The following DLX6 variants were observed in gnomAD, a reference collection of about 807,000 sequenced individuals.
DLX6 encodes the protein distal-less homeobox 6.
DLX6 carries 4 observed loss-of-function variants against 33.5 expected under a neutral mutation model. The observed-to-expected ratio is 0.12, with a 90% CI of 0.06 to 0.27. The LOEUF is 0.27. Among genes scored for constraint, DLX6 ranks in the 10% least tolerant of loss-of-function variants. DLX6 has a pLI of 1.00. For synonymous variants in DLX6, 184 were observed against 164.8 expected, an observed-to-expected ratio of 1.12 and a Z score of -0.89; for missense variants, 382 against 393.3, an observed-to-expected ratio of 0.97 and a Z score of 0.24.
At chr7:97,008,578 C>T (rs1789785291) in intron 2 of DLX6, among the ~76,000 whole-genome samples, 1 of 152,154 alleles carries the variant, frequency 6.6e-6, no homozygotes, top group Non-Finnish European at 1.5e-5. Context: ...CCATAGAAGG[C>T]ATTTCAGATT....
chr7:97,006,519 C>T, intron 1 of DLX6, 106 bp downstream of exon 1: 2 of 1,172,124 alleles, frequency 1.7e-6, no homozygotes, highest in Non-Finnish European at 2.1e-6. Context: ...CCCCCTCCCC[C>T]AGGCGGCCCC....
rs747232821 is a variant in DLX6, at chr7:97,006,076, ACAGCAG to A, written c.117_122del (p.Gln43_Gln44del). 285 of 1,484,068 alleles carry A rather than the reference ACAGCAG, an allele frequency of 1.9e-4. No individual in the cohort carries two copies. The highest frequency in any genetic ancestry group is 7.7e-4 in the East Asian group (31 of 40,324). The allele number at this position is 1,484,068 out of a possible 1,614,324, so 91.9% of individuals were successfully genotyped here. ...GGCAGCAGCAGCAGCAGCAGCAGCA[ACAGCAG>A]CAGCAGCAGCAGCAGCAACAGCAAC... On this transcript the variant is annotated inframe_deletion, in exon 1 of 3. Transcript: ENST00000518156.
Position 97,006,080 on chromosome 7 carries a change from C to A in DLX6, c.103C>A (p.Gln35Lys). The A allele has an allele frequency of 1.3e-6, 2 of 1,556,944 alleles. No individual in the cohort carries two copies. Among genetic ancestry groups the A allele is most frequent in the East Asian group, 2.4e-5 (1 of 41,374 alleles). The change falls in exon 1 of 3, where the codon CAG becomes AAG. Residue 35 changes from glutamine to lysine, a missense_variant. Around this residue, in one of 4 missense-constraint regions of DLX6, gnomAD observed 257 missense variants for 206.9 expected, o/e 1.24. Coordinates refer to ENST00000518156, the MANE Select transcript of DLX6 (RefSeq NM_005222.4). ...GQQQQQQQQQ[Q>K]QQQQQQQQQP... ...GCAGCAGCAGCAGCAGCAGCAACAG[C>A]AGCAGCAGCAGCAGCAGCAACAGCA...
In DLX6 at chr7:97,006,162, C is replaced by A; in HGVS notation, c.185C>A (p.Pro62Gln). The change falls in exon 1 of 3, where the codon CCG becomes CAG. Residue 62 changes from proline to glutamine, a missense_variant. Physicochemically the swap from Pro to Gln is moderately conservative, Grantham distance 76. This residue lies in a region of DLX6 where 257 missense variants were observed against 206.9 expected (regional missense o/e 1.24). Transcript: ENST00000518156. Reference protein sequence around the residue: ...PPQPHSQQSSPAMAGAHYPLH... With the variant: ...PPQPHSQQSSQAMAGAHYPLH... ...CAGCCGCACTCGCAGCAGAGCTCCC[C>A]GGCCATGGCAGGCGCGCACTACCCT... 6.5e-7 allele frequency: 1 copy of A among 1,543,076 alleles called. No homozygotes were observed. The highest frequency in any genetic ancestry group is 8.8e-7 in the Non-Finnish European group (1 of 1,141,186).
Position 97,005,679 on chromosome 7 carries a change from G to A in DLX6, c.-299G>A, listed in dbSNP as rs1789690526. 1.1e-5 allele frequency: 2 copies of A among 185,760 alleles called. No individual in the cohort carries two copies. The highest frequency in any genetic ancestry group is 2.4e-5 in the African/African-American group (1 of 42,458). The allele number at this position is 185,760 out of a possible 1,614,324, so 11.5% of individuals were successfully genotyped here. On this transcript the variant is annotated 5_prime_UTR_variant, in exon 1 of 3. Transcript: ENST00000518156. ...TCCAAGGGGGGAAAGCAGGCGGGGG[G>A]AGAGCAGATTCCCCCCTCCCCCTCT...
chr7:97,007,929 G>A, intron 2 of DLX6, 98 bp downstream of exon 2: 2 of 1,241,108 alleles, frequency 1.6e-6, no homozygotes, highest in South Asian at 1.6e-5. Flanking sequence ...AGTCAACCAA[G>A]GATGGAAGGA....
In DLX6 at chr7:97,006,384, C is replaced by A. The variant is rs1399051213; in HGVS notation, c.407C>A (p.Ala136Glu). ...CTCCAGTCCTACCACAACAGCAGCG[C>A]AGCCGCCCAGACGCGAGGGGACGAC... ...PYLQSYHNSSAAAQTRGDDTD... is the reference protein window; with the variant it reads ...PYLQSYHNSSEAAQTRGDDTD... The change falls in exon 1 of 3, where the codon GCA becomes GAA. Residue 136 changes from alanine to glutamate, a missense_variant. Around this residue, in one of 4 missense-constraint regions of DLX6, gnomAD observed 257 missense variants for 206.9 expected, o/e 1.24. Transcript: ENST00000518156. 2.1e-6 allele frequency: 3 copies of A among 1,437,442 alleles called. No homozygotes were observed. The highest frequency in any genetic ancestry group is 2.8e-6 in the Non-Finnish European group (3 of 1,084,184). The allele number at this position is 1,437,442 out of a possible 1,614,324, so 89.0% of individuals were successfully genotyped here. A position where few individuals can be genotyped will look rare whatever the true frequency, so the allele number is the denominator to read the frequency against.
In DLX6 at chr7:97,006,304, C is replaced by A; in HGVS notation, c.327C>A (p.Asn109Lys). Residue 109 changes from asparagine to lysine, a missense_variant, in exon 1 of 3, where the codon AAC (asparagine) becomes AAA (lysine). Asn to Lys is a moderately conservative substitution (Grantham distance 94). Coordinates refer to ENST00000518156, the MANE Select transcript of DLX6 (RefSeq NM_005222.4). ...CGTCGGGCGGAGGGAACTCCTACAA[C>A]CACCGCTCGCTCGCCGCCTACCCCT... ...PYASGGGNSY[N>K]HRSLAAYPYM... 1 of 1,525,466 alleles carries A rather than the reference C, an allele frequency of 6.6e-7. No individual in the cohort carries two copies. The highest frequency in any genetic ancestry group is 8.8e-7 in the Non-Finnish European group (1 of 1,133,812). 94.5% of individuals were successfully genotyped at this position (1,525,466 alleles called of 1,614,324 possible). A position where few individuals can be genotyped will look rare whatever the true frequency, so the allele number is the denominator to read the frequency against.
Position 97,005,949 on chromosome 7 carries a change from A to G in DLX6, c.-29A>G. On this transcript the variant is annotated 5_prime_UTR_variant, in exon 1 of 3. Transcript: ENST00000518156. ...GGGGAGGGTGGAGGAAACCCGGGAGAAGGCTTTCTCCAGCCCCCAAAGTTT... is the reference window on the plus strand; with the variant it reads ...GGGGAGGGTGGAGGAAACCCGGGAGGAGGCTTTCTCCAGCCCCCAAAGTTT... 1 of 1,515,980 alleles carries G rather than the reference A, an allele frequency of 6.6e-7. No individual in the cohort carries two copies. The highest frequency in any genetic ancestry group is 8.9e-7 in the Non-Finnish European group (1 of 1,129,308). 93.9% of individuals were successfully genotyped at this position (1,515,980 alleles called of 1,614,324 possible). A position where few individuals can be genotyped will look rare whatever the true frequency, so the allele number is the denominator to read the frequency against.
rs1189669101 is a variant in DLX6 at position 97,005,715 on chromosome 7, CCCT to C, written c.-256_-254del. On this transcript the variant is annotated 5_prime_UTR_variant, in exon 1 of 3. Coordinates refer to ENST00000518156, the MANE Select transcript of DLX6 (RefSeq NM_005222.4). ...CCCCCCTCCCCCTCTCCTCTCCCAT[CCCT>C]CCTCCTTCCTCCTCCCTTTGAGTTA... The C allele has an allele frequency of 9.5e-6, 2 of 211,026 alleles. No homozygotes were observed. Among genetic ancestry groups the C allele is most frequent in the Admixed American group, 5.8e-5 (1 of 17,204 alleles). 13.1% of individuals were successfully genotyped at this position (211,026 alleles called of 1,614,324 possible). A position where few individuals can be genotyped will look rare whatever the true frequency, so the allele number is the denominator to read the frequency against.
chr7:97,006,129 CGCCGCCGCA>C lies in DLX6; in HGVS notation c.158_166del (p.Pro53_Pro55del), dbSNP rs1353732883. On this transcript the variant is annotated inframe_deletion, in exon 1 of 3. Transcript: ENST00000518156. The stretch of plus-strand genomic sequence containing the variant: ...CAACAGCCGCCGCCGCCGCCGCCGC[CGCCGCCGCA>C]GCCGCACTCGCAGCAGAGCTCCCCG... 36 of 1,533,084 alleles carry C rather than the reference CGCCGCCGCA, an allele frequency of 2.3e-5. No individual in the cohort carries two copies. The East Asian group carries it at 3.9e-4, about 17-fold the overall frequency. 95.0% of individuals were successfully genotyped at this position (1,533,084 alleles called of 1,614,324 possible). A position where few individuals can be genotyped will look rare whatever the true frequency, so the allele number is the denominator to read the frequency against.
In DLX6 at chr7:97,006,064, G is replaced by A. The variant is rs1789710492; in HGVS notation, c.87G>A (p.Gln29=). ...SAFMEFGQQQ[Q]QQQQQQQQQQ... ...TCATGGAGTTCGGGCAGCAGCAGCA[G>A]CAGCAGCAGCAACAGCAGCAGCAGC... is the stretch of plus-strand genomic sequence containing the variant. Residue 29 remains glutamine, a synonymous_variant, in exon 1 of 3, where the codon CAG becomes CAA. Coordinates refer to ENST00000518156, the MANE Select transcript of DLX6 (RefSeq NM_005222.4). 1.3e-6 allele frequency: 2 copies of A among 1,578,072 alleles called. No individual in the cohort carries two copies. Among genetic ancestry groups the A allele is most frequent in the African/African-American group, 2.7e-5 (2 of 73,846 alleles).
At position 97,005,690 on chromosome 7, in the gene DLX6, C is replaced by G; in HGVS notation, c.-288C>G. The G allele has an allele frequency of 5.2e-6, 1 of 192,204 alleles. No homozygotes were observed. Among genetic ancestry groups the G allele is most frequent in the East Asian group, 1.1e-4 (1 of 9,288 alleles). 11.9% of individuals were successfully genotyped at this position (192,204 alleles called of 1,614,324 possible). A position where few individuals can be genotyped will look rare whatever the true frequency, so the allele number is the denominator to read the frequency against. On this transcript the variant is annotated 5_prime_UTR_variant, in exon 1 of 3. Transcript: ENST00000518156. Reference sequence around the variant, plus strand: ...AAAGCAGGCGGGGGGAGAGCAGATTCCCCCCTCCCCCTCTCCTCTCCCATC... The same window carrying G: ...AAAGCAGGCGGGGGGAGAGCAGATTGCCCCCTCCCCCTCTCCTCTCCCATC...
At chr7:97,008,534 T>C (rs1789784774) in intron 2 of DLX6, among the ~76,000 whole-genome samples, 1 of 152,204 alleles carries the variant, frequency 6.6e-6, no homozygotes, top group Non-Finnish European at 1.5e-5. Context: ...TTAAGTACAG[T>C]TACTGAAGTT....
At chr7:97,007,922 C>A in intron 2 of DLX6, 91 bp downstream of exon 2, 2 of 1,313,896 alleles carry the variant, frequency 1.5e-6, no homozygotes, top group South Asian at 1.6e-5. Flanking sequence ...TTGGCCTAGT[C>A]AACCAAGGAT....
intron 1 of DLX6, 130 bp downstream of exon 1, chr7:97,006,543 C>A (rs897089677): frequency 5.9e-5 from 61 of 1,026,462 alleles, no homozygotes; most frequent in Non-Finnish European, 7.1e-5. Context: ...CGCCCTTGGC[C>A]GGGCCCCGTG....
chr7:97,006,143 C>T lies in DLX6; in HGVS notation c.166C>T (p.His56Tyr), dbSNP rs1213872234. Residue 56 changes from histidine to tyrosine, a missense_variant, in exon 1 of 3, where the codon CAC becomes TAC. By Grantham distance (83) the His-to-Tyr change is moderately conservative (BLOSUM62 2). Coordinates refer to ENST00000518156, the MANE Select transcript of DLX6 (RefSeq NM_005222.4). ...PPPPPPPPQP[H>Y]SQQSSPAMAG... ...GCCGCCGCCGCCGCCGCCGCAGCCG[C>T]ACTCGCAGCAGAGCTCCCCGGCCAT... is the stretch of plus-strand genomic sequence containing the variant. 8 of 1,543,144 alleles carry T rather than the reference C, an allele frequency of 5.2e-6. No homozygotes were observed.
At position 97,006,325 on chromosome 7, in the gene DLX6, C is replaced by T. The variant is rs1199832812; in HGVS notation, c.348C>T (p.Tyr116=). ...NSYNHRSLAA[Y]PYMSHSQHSP... is the part of the protein sequence containing the mutation. ...ACAACCACCGCTCGCTCGCCGCCTACCCCTACATGAGCCACTCGCAGCACA... is the reference window on the plus strand; with the variant it reads ...ACAACCACCGCTCGCTCGCCGCCTATCCCTACATGAGCCACTCGCAGCACA... The change falls in exon 1 of 3, where the codon TAC becomes TAT. Residue 116 remains tyrosine (Y), a synonymous_variant. Transcript: ENST00000518156. 1 of 1,523,168 alleles carries T rather than the reference C, an allele frequency of 6.6e-7. No individual in the cohort carries two copies. Among genetic ancestry groups the T allele is most frequent in the African/African-American group, 1.4e-5 (1 of 71,028 alleles). The allele number at this position is 1,523,168 out of a possible 1,614,324, so 94.4% of individuals were successfully genotyped here.
chr7:97,008,513 T>G (rs1258153559), intron 2 of DLX6, among the ~76,000 whole-genome samples: 1 of 152,200 alleles, frequency 6.6e-6, no homozygotes, highest in Non-Finnish European at 1.5e-5. Flanking sequence ...TTGTAACAGG[T>G]GAAGCCACAG....
Sources: gnomAD v4.1 joint callset for allele counts (sites outside exome capture counted in the v4.1 genomes callset) on GRCh38, gnomAD v4.1.1 for gene constraint, gnomAD v4.1.1 regional missense constraint, MANE v1.5 for transcripts, NCBI Gene and HGNC (gene_info 2026-07-23, HGNC 2026-07-21) for gene names.